The following NEK4 variants were observed in gnomAD, a reference collection of about 807,000 sequenced individuals.
NEK4 encodes the protein serine/threonine-protein kinase Nek4.
In NEK4, 86 loss-of-function variants were observed where a neutral mutation model predicts 98.4. The observed-to-expected ratio is 0.87, with a 90% CI of 0.73 to 1.05. The LOEUF (loss-of-function observed/expected upper bound fraction) is 1.05, where lower values mean the gene tolerates loss of function less well. Among genes scored for constraint, NEK4 ranks in the 50% least tolerant of loss-of-function variants. The pLI is 0.00. For missense variants in NEK4, 898 were observed against 950.3 expected (o/e 0.94, Z 0.72); for synonymous variants, 328 against 342.2 (o/e 0.96, Z 0.46).
intron 15 of NEK4, among the ~76,000 whole-genome samples, chr3:52,729,880 G>A (rs1190347858): frequency 1.3e-5 from 2 of 152,122 alleles, no homozygotes; most frequent in African/African-American, 2.4e-5. Context: ...GGAAGCCGAG[G>A]TAGGTGGATC....
At chr3:52,737,895 G>A (rs964425185) in intron 14 of NEK4, among the ~76,000 whole-genome samples, 176 bp from the exon 15 acceptor site, 1 of 151,814 alleles carries the variant, frequency 6.6e-6, no homozygotes, top group African/African-American at 2.4e-5. Flanking sequence ...CTCACTGCAA[G>A]CTCCACCCCC....
chr3:52,721,419 C>T (rs1407288870), intron 15 of NEK4, among the ~76,000 whole-genome samples: 1 of 152,014 alleles, frequency 6.6e-6, no homozygotes, highest in Non-Finnish European at 1.5e-5. Context: ...GGGGGCCATA[C>T]ATTGAAGGAG....
At chr3:52,764,991 A>C (rs1016221111) in intron 4 of NEK4, among the ~76,000 whole-genome samples, 2 of 152,198 alleles carry the variant, frequency 1.3e-5, no homozygotes, top group Non-Finnish European at 2.9e-5. Context: ...TATGCTTCAA[A>C]TTGAAAAATT....
At chr3:52,728,798 G>A (rs1025352167) in intron 15 of NEK4, among the ~76,000 whole-genome samples, 37 of 152,214 alleles carry the variant, frequency 2.4e-4, no homozygotes, top group African/African-American at 8.7e-4. Flanking sequence ...TAATACCCTG[G>A]GGAAGGAATG....
chr3:52,734,254 G>C (rs557938173), intron 15 of NEK4, among the ~76,000 whole-genome samples: 21 of 152,066 alleles, frequency 1.4e-4, no homozygotes, highest in African/African-American at 5.1e-4. Flanking sequence ...AGACCAGCCT[G>C]GCCAAAATGG....
At chr3:52,734,131 A>AT (rs1423945445) in intron 15 of NEK4, among the ~76,000 whole-genome samples, 1 of 152,108 alleles carries the variant, frequency 6.6e-6, no homozygotes, top group Non-Finnish European at 1.5e-5. Context: ...AGGCCAAGGC[A>AT]TGTGGATCAT....
chr3:52,764,755 T>TGCGCATGCACACACAC lies in NEK4; in HGVS notation c.666+1116_666+1131dup, dbSNP rs1698486935. Among the ~76,000 whole-genome samples the TGCGCATGCACACACAC allele has an allele frequency of 9.8e-5, 14 of 142,226 alleles. No homozygotes were observed. The Admixed American group carries it at 1.0e-3, about 10-fold the overall frequency. 93.3% of individuals were successfully genotyped at this position (142,226 alleles called of 152,430 possible). A position where few individuals can be genotyped will look rare whatever the true frequency, so the allele number is the denominator to read the frequency against. The stretch of plus-strand genomic sequence containing the variant: ...GTTTAAGAATCTGTGGGTGTGCGCG[T>TGCGCATGCACACACAC]GCGCATGCACACACACACACATGCA... On this transcript the variant is annotated intron_variant, in intron 4 of 15. Transcript: ENST00000233027.
chr3:52,737,856 C>T (rs59638016), intron 14 of NEK4, 137 bp from the exon 15 acceptor site: 27,432 of 626,298 alleles, frequency 0.044, 2,432 homozygotes, highest in African/African-American at 0.29. Flanking sequence ...CTCTGTCGCC[C>T]AGGCTGGAGT....
intron 12 of NEK4, 70 bp downstream of exon 12, chr3:52,743,282 A>C: frequency 8.5e-7 from 1 of 1,177,794 alleles, no homozygotes; most frequent in Non-Finnish European, 1.3e-6. Flanking sequence ...GCTGACATTT[A>C]AAAGGTTTAC....
At chr3:52,744,168 A>C in intron 11 of NEK4, 71 bp downstream of exon 11, 1 of 1,085,470 alleles carries the variant, frequency 9.2e-7, no homozygotes, top group African/African-American at 1.5e-5. Context: ...TCTCATAGTT[A>C]GAACCAGTGT....
rs1232542605 is a variant in NEK4 at position 52,710,527 on chromosome 3, G to A, written c.*1250C>T. On this transcript the variant is annotated 3_prime_UTR_variant, in exon 16 of 16. Coordinates refer to ENST00000233027, the MANE Select transcript of NEK4 (RefSeq NM_003157.6). ...TGTAATCCTGGCACTTTGGGAGGCT[G>A]AGGTGAGTGGATTGCTTGAGCCCAG... The A allele has an allele frequency of 6.6e-6, 1 of 152,158 alleles. No homozygotes were observed. The highest frequency in any genetic ancestry group is 1.5e-5 in the Non-Finnish European group (1 of 68,040). 9.4% of individuals were successfully genotyped at this position (152,158 alleles called of 1,614,324 possible).
At chr3:52,757,814 T>C (rs911868614) in intron 6 of NEK4, among the ~76,000 whole-genome samples, 2 of 152,066 alleles carry the variant, frequency 1.3e-5, no homozygotes, top group South Asian at 2.1e-4. Flanking sequence ...AAGGCAGTCA[T>C]GAAAGACAAA....
At chr3:52,737,761 T>C (rs761250449) in intron 14 of NEK4, 42 bp from the exon 15 acceptor site, 2 of 1,508,634 alleles carry the variant, frequency 1.3e-6, no homozygotes, top group Admixed American at 3.9e-5. Flanking sequence ...ATAAACACTT[T>C]TACCACTATA....
chr3:52,759,700 A>AC (rs1698283766), intron 6 of NEK4, among the ~76,000 whole-genome samples: 1 of 152,220 alleles, frequency 6.6e-6, no homozygotes, highest in African/African-American at 2.4e-5. Context: ...CCAAAAAAAA[A>AC]GTCAAACCAA....
chr3:52,743,536 G>A (rs2097390413), intron 11 of NEK4, 75 bp from the exon 12 acceptor site: 2 of 1,112,722 alleles, frequency 1.8e-6, no homozygotes, highest in Admixed American at 1.8e-5. Context: ...ATTTGGTATG[G>A]AACATACCCC....
intron 6 of NEK4, among the ~76,000 whole-genome samples, chr3:52,758,640 G>A (rs773837669): frequency 6.7e-6 from 1 of 149,112 alleles, no homozygotes; most frequent in Admixed American, 6.6e-5. Flanking sequence ...AAAAACAAAA[G>A]AAATTTTTAA....
chr3:52,728,882 T>C (rs772987303), intron 15 of NEK4, among the ~76,000 whole-genome samples: 21 of 152,098 alleles, frequency 1.4e-4, no homozygotes, highest in Non-Finnish European at 2.2e-4. Context: ...AGGACTGAAA[T>C]ATGCCCTGGT....
At chr3:52,760,447 C>G (rs1368887681) in intron 6 of NEK4, among the ~76,000 whole-genome samples, 4 of 152,222 alleles carry the variant, frequency 2.6e-5, no homozygotes, top group African/African-American at 9.6e-5. Flanking sequence ...GAACTCCTGA[C>G]CTCAGGTGAT....
At chr3:52,750,345 T>G (rs1044068561) in intron 7 of NEK4, among the ~76,000 whole-genome samples, 1 of 151,984 alleles carries the variant, frequency 6.6e-6, no homozygotes, top group South Asian at 2.1e-4. Flanking sequence ...GTCAGGAGTT[T>G]GAGACCAGTC....
Sources: allele counts gnomAD v4.1 joint callset (sites outside exome capture counted in the v4.1 genomes callset), GRCh38; gene constraint gnomAD v4.1.1; transcripts MANE v1.5; gene names NCBI Gene and HGNC (gene_info 2026-07-23, HGNC 2026-07-21).